Variants in ZC3H11A observed in about 807,000 individuals in gnomAD.
The protein encoded by ZC3H11A is zinc finger CCCH-type containing 11A, also known as zinc finger CCCH domain-containing protein 11A.
Under a neutral mutation model 90.8 loss-of-function variants are expected in ZC3H11A, and 22 were observed. The ratio of observed to expected loss-of-function variants is 0.24; its 90% CI spans 0.17 to 0.35. The LOEUF (loss-of-function observed/expected upper bound fraction) is 0.35, where lower values mean the gene tolerates loss of function less well. Among genes scored for constraint, ZC3H11A ranks in the 10% least tolerant of loss-of-function variants. The pLI is 1.00. For synonymous variants in ZC3H11A, 294 were observed against 339.8 expected, an observed-to-expected ratio of 0.87 and a Z score of 1.48; for missense variants, 701 against 964.9, an observed-to-expected ratio of 0.73 and a Z score of 3.62.
At chr1:203,839,365 G>T (rs369875288) in intron 11 of ZC3H11A, among the ~76,000 whole-genome samples, 1 of 152,160 alleles carries the variant, frequency 6.6e-6, no homozygotes, top group Admixed American at 6.5e-5. Context: ...CTTTATAGTT[G>T]AAGGAGAGCA....
In ZC3H11A at chr1:203,847,757, T is replaced by G. The variant is rs542930200; in HGVS notation, c.1546+70T>G. ...TTCCAGAGGAGTGTTCCGTGGGATC[T>G]TCCTAGGAGTTGTTTGACAACCTTT... is the stretch of plus-strand genomic sequence containing the variant. On this transcript the variant is annotated intron_variant, in intron 13 of 17. Coordinates refer to ENST00000367210, the MANE Select transcript of ZC3H11A (RefSeq NM_001376342.1). The G allele has an allele frequency of 2.0e-5, 30 of 1,538,188 alleles. No individual in the cohort carries two copies. In the African/African-American group the frequency reaches 2.4e-4, roughly 12 times the overall value.
intron 10 of ZC3H11A, among the ~76,000 whole-genome samples, chr1:203,834,945 C>T (rs1018537058): frequency 6.6e-6 from 1 of 152,226 alleles, no homozygotes; most frequent in African/African-American, 2.4e-5. Flanking sequence ...CTCTGGCCTT[C>T]AAAAAATTAT....
chr1:203,802,626 T>G lies in ZC3H11A; in HGVS notation c.-536T>G, dbSNP rs977050240. The G allele has an allele frequency of 6.7e-6, 1 of 149,678 alleles. No homozygotes were observed. Among genetic ancestry groups the G allele is most frequent in the Non-Finnish European group, 1.5e-5 (1 of 67,088 alleles). 9.3% of individuals were successfully genotyped at this position (149,678 alleles called of 1,614,324 possible). On this transcript the variant is annotated 5_prime_UTR_variant, in exon 2 of 18. Transcript: ENST00000367210. ...TTACTGAAAAACTGATGTTTTTTTG[T>G]TTTTTTTTTAAATTATATTGTTCAG...
Position 203,818,573 on chromosome 1 carries a change from G to A in ZC3H11A, c.58G>A (p.Asp20Asn), listed in dbSNP as rs771137457. Residue 20 changes from aspartate to asparagine, a missense_variant, in exon 4 of 18, where the codon GAC (aspartate) becomes AAC (asparagine). Physicochemically the swap from Asp to Asn is conservative, Grantham distance 23. Coordinates refer to ENST00000367210, the MANE Select transcript of ZC3H11A (RefSeq NM_001376342.1). ...FFFYSTCTKGDSCPFRHCEAA... is the reference protein window; with the variant it reads ...FFFYSTCTKGNSCPFRHCEAA... ...AGTGTTCTCTATTTGTTTACAGGGT[G>A]ACAGCTGCCCATTCCGTCACTGTGA... is the stretch of plus-strand genomic sequence containing the variant. 3.0e-5 allele frequency: 48 copies of A among 1,613,734 alleles called. No individual in the cohort carries two copies. The South Asian group carries it at 3.4e-4, about 11-fold the overall frequency.
At chr1:203,806,085 C>T (rs913330051) in intron 2 of ZC3H11A, 9 of 504,386 alleles carry the variant, frequency 1.8e-5, no homozygotes, top group African/African-American at 5.9e-5. Context: ...AGGCTTTCTG[C>T]GTAATCATAT....
chr1:203,819,288 C>T (rs561434466), intron 4 of ZC3H11A, among the ~76,000 whole-genome samples: 32 of 148,734 alleles, frequency 2.2e-4, no homozygotes, highest in Admixed American at 1.1e-3. Context: ...GTGGCGCAAT[C>T]TCTGCTTACT....
chr1:203,839,631 G>A (rs1053821930), intron 11 of ZC3H11A, among the ~76,000 whole-genome samples: 13 of 152,076 alleles, frequency 8.5e-5, no homozygotes, highest in African/African-American at 2.7e-4. Context: ...TCCTCCTTGT[G>A]TATTGACCAT....
intron 2 of ZC3H11A, among the ~76,000 whole-genome samples, chr1:203,815,846 C>G (rs1676192005): frequency 6.6e-6 from 1 of 152,172 alleles, no homozygotes; most frequent in South Asian, 2.1e-4. Flanking sequence ...GAAACCCTTT[C>G]CATATTCTCG....
intron 4 of ZC3H11A, among the ~76,000 whole-genome samples, chr1:203,820,310 G>A (rs997125329): frequency 1.3e-5 from 2 of 151,826 alleles, no homozygotes; most frequent in Non-Finnish European, 2.9e-5. Context: ...CTTCTGTTGA[G>A]AGCAGTTGCT....
chr1:203,800,466 C>A, intron 1 of ZC3H11A: 1 of 1,475,768 alleles, frequency 6.8e-7, no homozygotes, highest in Non-Finnish European at 8.9e-7. Flanking sequence ...GCCTTAATTT[C>A]TTTTTCTCCA....
chr1:203,798,404 G>T, intron 1 of ZC3H11A: 1 of 1,533,750 alleles, frequency 6.5e-7, no homozygotes, highest in South Asian at 1.2e-5. Flanking sequence ...GTGTGAGCCG[G>T]GGTAGGCCAG....
chr1:203,838,148 C>T, intron 11 of ZC3H11A, 84 bp downstream of exon 11: 1 of 1,280,600 alleles, frequency 7.8e-7, no homozygotes, highest in Non-Finnish European at 1.1e-6. Context: ...GTTTTTCATT[C>T]TTTTGTTCAG....
chr1:203,836,784 G>C (rs1171605905), intron 10 of ZC3H11A, among the ~76,000 whole-genome samples: 1 of 151,808 alleles, frequency 6.6e-6, no homozygotes, highest in Non-Finnish European at 1.5e-5. Context: ...TCAGAAAGCA[G>C]CTAGAATTAG....
intron 10 of ZC3H11A, 78 bp downstream of exon 10, chr1:203,833,931 A>G (rs1232038225): frequency 2.0e-6 from 3 of 1,518,140 alleles, no homozygotes; most frequent in East Asian, 2.3e-5. Flanking sequence ...AACTCTTTTT[A>G]TACAGATCTT....
At chr1:203,821,244 C>G (rs1678573222) in intron 4 of ZC3H11A, among the ~76,000 whole-genome samples, 1 of 152,184 alleles carries the variant, frequency 6.6e-6, no homozygotes, top group African/African-American at 2.4e-5. Context: ...GCGTCCTGTT[C>G]ACCTCCTGCC....
At chr1:203,826,478 A>G (rs1425066888) in intron 4 of ZC3H11A, among the ~76,000 whole-genome samples, 3 of 152,196 alleles carry the variant, frequency 2.0e-5, no homozygotes, top group Non-Finnish European at 2.9e-5. Flanking sequence ...GATTTTGCCA[A>G]ATCACCTTTC....
chr1:203,840,377 A>G lies in ZC3H11A; in HGVS notation c.1042+3A>G. On this transcript the variant is annotated splice_donor_region_variant and intron_variant, in intron 12 of 17. Coordinates refer to ENST00000367210, the MANE Select transcript of ZC3H11A (RefSeq NM_001376342.1). ...TCCAGATAATGAGGATGCAACAGGTAAGTAAATCCTAAGACCAGATTCTGA... is the reference window on the plus strand; with the variant it reads ...TCCAGATAATGAGGATGCAACAGGTGAGTAAATCCTAAGACCAGATTCTGA... 6.2e-7 allele frequency: 1 copy of G among 1,611,994 alleles called. No individual in the cohort carries two copies. Among genetic ancestry groups the G allele is most frequent in the Admixed American group, 1.7e-5 (1 of 59,838 alleles).
At chr1:203,836,648 C>T (rs1684434663) in intron 10 of ZC3H11A, among the ~76,000 whole-genome samples, 1 of 152,272 alleles carries the variant, frequency 6.6e-6, no homozygotes, top group East Asian at 1.9e-4. Flanking sequence ...TGGTGGCATG[C>T]GCCTGTAATT....
intron 4 of ZC3H11A, among the ~76,000 whole-genome samples, chr1:203,824,910 A>C (rs1283744915): frequency 6.6e-6 from 1 of 152,020 alleles, no homozygotes; most frequent in African/African-American, 2.4e-5. Flanking sequence ...CCCTGTCTCT[A>C]CTAAAAATAC....
Sources: gnomAD v4.1 joint callset for allele counts (sites outside exome capture counted in the v4.1 genomes callset) on GRCh38, gnomAD v4.1.1 for gene constraint, MANE v1.5 for transcripts, NCBI Gene and HGNC (gene_info 2026-07-23, HGNC 2026-07-21) for gene names.